The following DCAF1 variants were observed in gnomAD, a reference collection of about 807,000 sequenced individuals.
DCAF1 encodes DDB1- and CUL4-associated factor 1.
A neutral mutation model predicts 128.0 loss-of-function variants in DCAF1; 15 were observed. That is an observed-to-expected ratio of 0.12 (90% CI 0.08 to 0.18). DCAF1 has a LOEUF of 0.18. DCAF1 is among the 10% of genes least tolerant of loss of function. The probability of loss-of-function intolerance (pLI) is 1.00; values close to 1 mark genes in which losing one functional copy is unlikely to be tolerated. For synonymous variants in DCAF1, 610 were observed against 603.0 expected, an observed-to-expected ratio of 1.01 and a Z score of -0.17; for missense variants, 988 against 1,649.5, an observed-to-expected ratio of 0.60 and a Z score of 6.95.
chr3:51,440,648 G>A (rs1701278831), intron 9 of DCAF1, among the ~76,000 whole-genome samples: 1 of 151,654 alleles, frequency 6.6e-6, no homozygotes, highest in Admixed American at 6.6e-5. Flanking sequence ...GCTCACGCCT[G>A]TAATCCCAGC....
intron 16 of DCAF1, 73 bp from the exon 17 acceptor site, chr3:51,418,271 T>C: frequency 1.3e-6 from 2 of 1,516,096 alleles, no homozygotes; most frequent in Non-Finnish European, 1.8e-6. Context: ...GCCATTAGCA[T>C]TTTTAAAGAT....
chr3:51,417,288 A>G (rs1380085877), intron 17 of DCAF1, among the ~76,000 whole-genome samples: 3 of 152,060 alleles, frequency 2.0e-5, no homozygotes, highest in Non-Finnish European at 4.4e-5. Context: ...GCGTGGTGGC[A>G]TATGCCTGTG....
At chr3:51,411,014 A>G (rs782127469) in intron 23 of DCAF1, among the ~76,000 whole-genome samples, 4 of 152,172 alleles carry the variant, frequency 2.6e-5, no homozygotes, top group Non-Finnish European at 4.4e-5. Flanking sequence ...TACAAAAATT[A>G]GCTGGGCATA....
chr3:51,405,334 T>G (rs1577050422), intron 23 of DCAF1, among the ~76,000 whole-genome samples: 1 of 152,204 alleles, frequency 6.6e-6, no homozygotes, highest in Non-Finnish European at 1.5e-5. Context: ...AAAGCTTCCA[T>G]ATCAAGAGCA....
At chr3:51,480,063 C>T (rs1184247275) in intron 3 of DCAF1, among the ~76,000 whole-genome samples, 1 of 149,518 alleles carries the variant, frequency 6.7e-6, no homozygotes, top group East Asian at 2.0e-4. Flanking sequence ...ATAATCATAC[C>T]ACTGCACTCT....
chr3:51,501,521 A>G (rs1349873941), upstream of DCAF1, among the ~76,000 whole-genome samples: 2 of 152,068 alleles, frequency 1.3e-5, no homozygotes, highest in Admixed American at 6.6e-5. Context: ...TCACGGCAAT[A>G]CTGTCACATG....
intron 13 of DCAF1, among the ~76,000 whole-genome samples, chr3:51,426,577 A>T (rs1320570815): frequency 1.1e-4 from 17 of 152,210 alleles, no homozygotes; most frequent in African/African-American, 4.1e-4. Flanking sequence ...GATATAACAC[A>T]AAAACAAAAG....
chr3:51,406,954 G>A (rs1035736868), intron 23 of DCAF1, among the ~76,000 whole-genome samples: 1 of 152,164 alleles, frequency 6.6e-6, no homozygotes, highest in Admixed American at 6.5e-5. Context: ...AGCACTTTGG[G>A]AGGCCAAGGC....
At chr3:51,491,823 C>T (rs1054921727) in intron 2 of DCAF1, among the ~76,000 whole-genome samples, 1 of 151,214 alleles carries the variant, frequency 6.6e-6, no homozygotes, top group Admixed American at 6.6e-5. Context: ...CCAGCCTGGG[C>T]GACAGAGCAA....
At chr3:51,440,065 T>G (rs567922890) in intron 9 of DCAF1, 1 of 428,210 alleles carries the variant, frequency 2.3e-6, no homozygotes, top group Middle Eastern at 3.6e-4. Flanking sequence ...AAGCAAGCAC[T>G]ATTTCATAGT....
intron 16 of DCAF1, 113 bp from the exon 17 acceptor site, chr3:51,418,311 A>G: frequency 6.7e-7 from 1 of 1,487,896 alleles, no homozygotes; most frequent in Non-Finnish European, 9.0e-7. Context: ...AATTAAAGAG[A>G]CAATTTTATA....
At chr3:51,489,877 AG>A in intron 2 of DCAF1, among the ~76,000 whole-genome samples, 1 of 152,000 alleles carries the variant, frequency 6.6e-6, no homozygotes, top group East Asian at 1.9e-4. Flanking sequence ...CAAGTTGAAA[AG>A]GAAGAAGTAA....
intron 6 of DCAF1, among the ~76,000 whole-genome samples, chr3:51,444,388 T>A (rs1289666438): frequency 6.6e-6 from 1 of 151,372 alleles, no homozygotes; most frequent in Non-Finnish European, 1.5e-5. Context: ...TCTCACTCTG[T>A]CGCCCAGGCT....
intron 2 of DCAF1, among the ~76,000 whole-genome samples, chr3:51,490,282 T>C (rs1292875203): frequency 2.0e-5 from 3 of 152,034 alleles, no homozygotes; most frequent in African/African-American, 7.2e-5. Flanking sequence ...CCAGGCATGG[T>C]GTGCACCTGT....
chr3:51,459,602 C>A lies in DCAF1; in HGVS notation c.375+3512G>T, dbSNP rs570745499. Among the ~76,000 whole-genome samples the A allele has an allele frequency of 4.4e-4, 67 of 152,056 alleles. No individual in the cohort carries two copies. In the South Asian group the frequency reaches 0.011, roughly 24 times the overall value. On this transcript the variant is annotated intron_variant, in intron 6 of 24. Transcript: ENST00000684031. ...TACCAAAGCCTGGCAAAGACACAACCAAAAAAGAGAATTTTAGACCAATAT... is the reference window on the plus strand; with the variant it reads ...TACCAAAGCCTGGCAAAGACACAACAAAAAAAGAGAATTTTAGACCAATAT...
At chr3:51,483,970 T>C (rs1479601532) in intron 2 of DCAF1, 134 bp from the exon 3 acceptor site, 11 of 633,688 alleles carry the variant, frequency 1.7e-5, no homozygotes, top group Non-Finnish European at 2.8e-5. Context: ...CTTGAACCCT[T>C]TGGATTTATT....
chr3:51,498,695 CTATTA>C (rs1251463946), intron 1 of DCAF1, among the ~76,000 whole-genome samples: 4 of 152,206 alleles, frequency 2.6e-5, no homozygotes, highest in Admixed American at 2.6e-4. Flanking sequence ...CCCAAATTCT[CTATTA>C]TCTCTTTAAC....
chr3:51,409,445 G>C (rs1299397752), intron 23 of DCAF1, among the ~76,000 whole-genome samples: 3 of 152,160 alleles, frequency 2.0e-5, no homozygotes, highest in African/African-American at 7.2e-5. Context: ...ATGGACCCAG[G>C]TGATGGTTCC....
In DCAF1 at chr3:51,456,663, C is replaced by A. The variant is rs548496439; in HGVS notation, c.375+6451G>T. Among the ~76,000 whole-genome samples the A allele has an allele frequency of 3.9e-5, 6 of 152,332 alleles. No homozygotes were observed. The South Asian group carries it at 1.0e-3, about 26-fold the overall frequency. On this transcript the variant is annotated intron_variant, in intron 6 of 24. Coordinates refer to ENST00000684031, the MANE Select transcript of DCAF1 (RefSeq NM_001387579.1). ...AGTAGCCTAACTGGGAGGCACCCCC[C>A]AGTAGGGGCGGACTGACACCTCACA...
Sources: gnomAD v4.1 joint callset for allele counts (sites outside exome capture counted in the v4.1 genomes callset) on GRCh38, gnomAD v4.1.1 for gene constraint, MANE v1.5 for transcripts, NCBI Gene and HGNC (gene_info 2026-07-23, HGNC 2026-07-21) for gene names.